Variants in IQSEC1 observed in about 807,000 individuals in gnomAD.
IQSEC1 encodes the protein IQ motif and SEC7 domain-containing protein 1.
IQSEC1 carries 31 observed loss-of-function variants against 91.0 expected under a neutral mutation model. The observed-to-expected ratio is 0.34, with a 90% CI of 0.26 to 0.46. The LOEUF (loss-of-function observed/expected upper bound fraction) is 0.46, where lower values mean the gene tolerates loss of function less well. Among genes scored for constraint, IQSEC1 ranks in the 20% least tolerant of loss-of-function variants. The pLI, the probability that IQSEC1 is intolerant of heterozygous loss-of-function variation, is 1.00. For synonymous variants in IQSEC1, 699 were observed against 662.6 expected (o/e 1.05, Z -0.84); for missense variants, 1,388 against 1,575.6 (o/e 0.88, Z 2.02).
At chr3:13,237,714 C>G (rs1467098162) in intron 1 of IQSEC1, among the ~76,000 whole-genome samples, 1 of 152,226 alleles carries the variant, frequency 6.6e-6, no homozygotes, top group Non-Finnish European at 1.5e-5. Flanking sequence ...GCTCCGCGGT[C>G]GGTTTCCTCC....
At chr3:13,069,617 A>G (rs1378439305) in intron 1 of IQSEC1, among the ~76,000 whole-genome samples, 2 of 152,174 alleles carry the variant, frequency 1.3e-5, no homozygotes, top group Non-Finnish European at 2.9e-5. Flanking sequence ...CAGTGAATGA[A>G]TGATTGAACA....
At chr3:13,278,255 C>A (rs112791557) in intron 1 of IQSEC1, among the ~76,000 whole-genome samples, 2,092 of 152,194 alleles carry the variant, frequency 0.014, 50 homozygotes, top group African/African-American at 0.047. Flanking sequence ...GCTTCCCCCC[C>A]CCACCCCCAG....
Position 12,924,859 on chromosome 3 carries a change from G to T in IQSEC1, c.1569-117C>A. ...TCTCCCTCCCTGCCCACCTGCACCG[G>T]CCTTCATCCCTGTAGGCATTCAGGG... On this transcript the variant is annotated intron_variant, in intron 3 of 13. Transcript: ENST00000613206. This position sits in a 1 kb window ranked among gnomAD's most constrained non-coding sequence, Gnocchi z 6.3. The T allele has an allele frequency of 2.1e-6, 2 of 973,630 alleles. No individual in the cohort carries two copies. The highest frequency in any genetic ancestry group is 3.0e-6 in the Non-Finnish European group (2 of 672,836). The allele number at this position is 973,630 out of a possible 1,614,324, so 60.3% of individuals were successfully genotyped here.
intron 1 of IQSEC1, among the ~76,000 whole-genome samples, chr3:13,066,591 G>A (rs1705237391): frequency 6.6e-6 from 1 of 152,264 alleles, no homozygotes; most frequent in Non-Finnish European, 1.5e-5. Flanking sequence ...GGCTGGGCAG[G>A]AGTTGGAACG....
chr3:13,006,097 G>A (rs1454891577), intron 1 of IQSEC1, among the ~76,000 whole-genome samples: 1 of 152,170 alleles, frequency 6.6e-6, no homozygotes, highest in Non-Finnish European at 1.5e-5. Flanking sequence ...AAATCCTAAT[G>A]ATACATATCT....
intron 2 of IQSEC1, among the ~76,000 whole-genome samples, chr3:13,119,385 AG>A (rs1706388043): frequency 6.6e-6 from 1 of 152,212 alleles, no homozygotes; most frequent in South Asian, 2.1e-4. Flanking sequence ...ATTTGTTTAA[AG>A]AAAGTTTGAT....
chr3:12,956,095 G>C lies in IQSEC1; in HGVS notation c.24-14230C>G, dbSNP rs562601344. On this transcript the variant is annotated intron_variant, in intron 1 of 13. Coordinates refer to ENST00000613206, the MANE Select transcript of IQSEC1 (RefSeq NM_001134382.3). Reference sequence around the variant, plus strand: ...CCATATTCCCACTTGATAACAGTCAGACAAAGCGAGGTGGCAGCCGCATCC... The same window carrying C: ...CCATATTCCCACTTGATAACAGTCACACAAAGCGAGGTGGCAGCCGCATCC... 3.3e-5 allele frequency among the ~76,000 whole-genome samples: 5 copies of C among 152,306 alleles called. No homozygotes were observed. The South Asian group carries it at 1.0e-3, about 32-fold the overall frequency.
rs190474849 is a variant in IQSEC1, at chr3:13,142,858, C to T, written c.302+21246G>A. On this transcript the variant is annotated intron_variant, in intron 2 of 15. Coordinates refer to the IQSEC1 transcript ENST00000648114. Reference sequence around the variant, plus strand: ...CACAAAGCCCGAACTGTTTACCATCCGGCTATTGCCTACTCCTCTAGGAAC... The same window carrying T: ...CACAAAGCCCGAACTGTTTACCATCTGGCTATTGCCTACTCCTCTAGGAAC... 2.6e-3 allele frequency among the ~76,000 whole-genome samples: 402 copies of T among 152,310 alleles called. 5 individuals are homozygous for T. Among genetic ancestry groups the T allele is most frequent in the African/African-American group, 9.0e-3 (373 of 41,572 alleles).
At chr3:13,256,731 C>A (rs1220148380) in intron 1 of IQSEC1, among the ~76,000 whole-genome samples, 12 of 152,190 alleles carry the variant, frequency 7.9e-5, no homozygotes, top group Non-Finnish European at 1.6e-4. Flanking sequence ...AGAAAGTGGA[C>A]CACAGACAGA....
chr3:13,029,984 T>C (rs1166703674), intron 1 of IQSEC1, among the ~76,000 whole-genome samples: 1 of 152,240 alleles, frequency 6.6e-6, no homozygotes, highest in Non-Finnish European at 1.5e-5. Context: ...TATTTATTTA[T>C]TTTGAGATGA....
intron 1 of IQSEC1, among the ~76,000 whole-genome samples, chr3:13,239,174 C>T (rs542634476): frequency 5.9e-5 from 9 of 152,220 alleles, no homozygotes; most frequent in Admixed American, 2.0e-4. Context: ...AACTGGAAGC[C>T]GGCTGCCCAG....
intron 1 of IQSEC1, among the ~76,000 whole-genome samples, chr3:13,226,811 C>G (rs1694761364): frequency 2.0e-5 from 3 of 152,090 alleles, no homozygotes; most frequent in Non-Finnish European, 2.9e-5. Context: ...AGAAGGGATC[C>G]CAAAGGCCCA....
intron 2 of IQSEC1, among the ~76,000 whole-genome samples, chr3:12,941,042 G>A (rs1276183717): frequency 6.6e-6 from 1 of 152,240 alleles, no homozygotes; most frequent in Admixed American, 6.5e-5. Context: ...TCCCACAGGA[G>A]CAGGGAGGTG....
chr3:13,105,144 C>A (rs547984722), intron 2 of IQSEC1, among the ~76,000 whole-genome samples: 5 of 152,134 alleles, frequency 3.3e-5, no homozygotes, highest in Admixed American at 6.5e-5. Flanking sequence ...CATGGTCTGG[C>A]CCCTTTGAGC....
At chr3:12,988,394 G>A (rs978342663) in intron 1 of IQSEC1, among the ~76,000 whole-genome samples, 2 of 152,064 alleles carry the variant, frequency 1.3e-5, no homozygotes, top group Non-Finnish European at 2.9e-5. Flanking sequence ...CAGCCTGGGC[G>A]ACAGAGCGAG....
At chr3:13,035,481 T>A (rs1197723907) in intron 1 of IQSEC1, among the ~76,000 whole-genome samples, 1 of 152,126 alleles carries the variant, frequency 6.6e-6, no homozygotes, top group African/African-American at 2.4e-5. Context: ...CCCCCTCTCT[T>A]GAATAATCAC....
intron 1 of IQSEC1, among the ~76,000 whole-genome samples, chr3:12,949,521 C>T (rs1171770214): frequency 6.6e-6 from 1 of 152,260 alleles, no homozygotes; most frequent in Admixed American, 6.5e-5. Flanking sequence ...TCATGGCTTC[C>T]CCTATACTCT....
At chr3:13,252,022 T>A (rs1420829293) in intron 1 of IQSEC1, among the ~76,000 whole-genome samples, 1 of 152,194 alleles carries the variant, frequency 6.6e-6, no homozygotes, top group African/African-American at 2.4e-5. Flanking sequence ...TTTTCCCCGA[T>A]TTTTTATTGT....
chr3:13,129,376 C>T (rs1317347524), intron 2 of IQSEC1, among the ~76,000 whole-genome samples: 1 of 152,134 alleles, frequency 6.6e-6, no homozygotes, highest in Non-Finnish European at 1.5e-5. Context: ...TCGTTTTCTT[C>T]TGGATCGGTC....
Sources: allele counts gnomAD v4.1 joint callset (sites outside exome capture counted in the v4.1 genomes callset), GRCh38; gene constraint gnomAD v4.1.1; non-coding constraint Gnocchi (gnomAD v3.1); transcripts MANE v1.5; gene names NCBI Gene and HGNC (gene_info 2026-07-23, HGNC 2026-07-21).